RABGAP1L: variants seen among roughly 807,000 people sequenced by gnomAD.
RABGAP1L encodes the protein rab GTPase-activating protein 1-like.
Under a neutral mutation model 137.7 loss-of-function variants are expected in RABGAP1L, and 63 were observed. The observed-to-expected ratio is 0.46, with a 90% confidence interval of 0.37 to 0.56. The LOEUF (loss-of-function observed/expected upper bound fraction) is 0.56, where lower values mean the gene tolerates loss of function less well. RABGAP1L is among the 20% of genes least tolerant of loss of function. The pLI, the probability that RABGAP1L is intolerant of heterozygous loss-of-function variation, is 0.00. For missense variants in RABGAP1L, 1,095 were observed against 1,244.0 expected, an observed-to-expected ratio of 0.88 and a Z score of 1.80; for synonymous variants, 431 against 433.7, an observed-to-expected ratio of 0.99 and a Z score of 0.08.
chr1:174,440,054 T>C (rs575880110), intron 13 of RABGAP1L, among the ~76,000 whole-genome samples: 3 of 152,266 alleles, frequency 2.0e-5, no homozygotes, highest in African/African-American at 7.2e-5. Context: ...AAAAGAAGTG[T>C]GATGGCCTAG....
chr1:174,205,058 TC>T (rs1668411880), intron 1 of RABGAP1L, among the ~76,000 whole-genome samples: 1 of 152,194 alleles, frequency 6.6e-6, no homozygotes, highest in Non-Finnish European at 1.5e-5. Flanking sequence ...CTTGAGATAA[TC>T]ACGTGGTTTT....
intron 18 of RABGAP1L, among the ~76,000 whole-genome samples, chr1:174,789,732 T>C (rs1687713378): frequency 6.6e-6 from 1 of 152,232 alleles, no homozygotes. Context: ...ACAGAGGTTC[T>C]AAGGCCCTGT....
Position 174,702,285 on chromosome 1 carries a change from C to T in RABGAP1L, c.2169+29C>T, listed in dbSNP as rs374131933. 45 of 1,539,918 alleles carry T rather than the reference C, an allele frequency of 2.9e-5. No individual in the cohort carries two copies. In the African/African-American group the frequency reaches 5.7e-4, roughly 20 times the overall value. On this transcript the variant is annotated intron_variant, in intron 17 of 25. Transcript: ENST00000681986. ...GAGTGACTCCCATCTTTCACTAAGC[C>T]AAAATAGAAAGTAGTTTCTACTAAA...
chr1:174,437,967 C>T (rs1409074425), intron 13 of RABGAP1L, among the ~76,000 whole-genome samples: 2 of 152,152 alleles, frequency 1.3e-5, no homozygotes, highest in East Asian at 3.8e-4. Context: ...TCCAGCCAAA[C>T]TAAGCTTCAT....
intron 17 of RABGAP1L, among the ~76,000 whole-genome samples, chr1:174,707,782 C>T (rs1284406041): frequency 6.6e-6 from 1 of 152,214 alleles, no homozygotes; most frequent in South Asian, 2.1e-4. Context: ...TAATCACCTT[C>T]CCCTCCATCA....
At chr1:174,988,104 C>T (rs574461588) in intron 24 of RABGAP1L, among the ~76,000 whole-genome samples, 2 of 152,278 alleles carry the variant, frequency 1.3e-5, no homozygotes, top group Admixed American at 6.5e-5. Context: ...CCACCAGGCC[C>T]GGCCGGAGTT....
At chr1:174,859,452 C>T (rs1364529747) in intron 19 of RABGAP1L, among the ~76,000 whole-genome samples, 2 of 141,688 alleles carry the variant, frequency 1.4e-5, no homozygotes, top group Non-Finnish European at 3.0e-5. Context: ...TACTGCACTC[C>T]AGCCTGGGAG....
intron 13 of RABGAP1L, among the ~76,000 whole-genome samples, chr1:174,534,737 TGCACTCCAGCTTGGATGACAGA>T (rs1207100053): frequency 8.0e-6 from 1 of 124,350 alleles, no homozygotes; most frequent in African/African-American, 3.1e-5. Flanking sequence ...TTCATGCCAC[TGCACTCCAGCTTGGATGACAGA>T]GCGAAACTCT....
At chr1:174,707,676 AG>A (rs1680158170) in intron 17 of RABGAP1L, among the ~76,000 whole-genome samples, 1 of 152,196 alleles carries the variant, frequency 6.6e-6, no homozygotes, top group Non-Finnish European at 1.5e-5. Context: ...CCTACTATAC[AG>A]TATTCAATTA....
At chr1:174,509,240 T>C in intron 13 of RABGAP1L, among the ~76,000 whole-genome samples, 1 of 152,224 alleles carries the variant, frequency 6.6e-6, no homozygotes, top group East Asian at 1.9e-4. Context: ...TAAGTACTAC[T>C]GAGTGAGATA....
At chr1:174,366,805 A>G (rs1255425819) in intron 11 of RABGAP1L, among the ~76,000 whole-genome samples, 1 of 141,472 alleles carries the variant, frequency 7.1e-6, no homozygotes, top group African/African-American at 2.7e-5. Context: ...AAAAAAAAAA[A>G]AAGAAGTTTA....
chr1:174,855,116 C>T (rs1649082004), intron 19 of RABGAP1L, among the ~76,000 whole-genome samples: 1 of 151,906 alleles, frequency 6.6e-6, no homozygotes, highest in Admixed American at 6.6e-5. Context: ...ATGATATTCT[C>T]AATAAAGAAC....
intron 13 of RABGAP1L, among the ~76,000 whole-genome samples, chr1:174,505,377 T>C (rs1363331760): frequency 6.6e-6 from 1 of 152,208 alleles, no homozygotes; most frequent in Non-Finnish European, 1.5e-5. Context: ...TAGCCAGTTC[T>C]TTTTCACATT....
At chr1:174,936,971 ATTTTTT>A (rs909397955) in intron 19 of RABGAP1L, among the ~76,000 whole-genome samples, 9 of 101,524 alleles carry the variant, frequency 8.9e-5, no homozygotes, top group African/African-American at 3.5e-4. Context: ...TATAAGATTA[ATTTTTT>A]TTTTTTTTTT....
At chr1:174,361,883 G>T (rs748684953) in intron 11 of RABGAP1L, among the ~76,000 whole-genome samples, 1 of 152,078 alleles carries the variant, frequency 6.6e-6, no homozygotes, top group African/African-American at 2.4e-5. Context: ...AATCATCCAG[G>T]TATTAAGTCT....
At chr1:174,674,300 C>T (rs1381076853) in intron 14 of RABGAP1L, among the ~76,000 whole-genome samples, 4 of 141,338 alleles carry the variant, frequency 2.8e-5, no homozygotes, top group African/African-American at 1.1e-4. Flanking sequence ...CATGTGTTCT[C>T]ATTGTTCAAT....
chr1:174,244,227 A>G (rs1279721043), intron 5 of RABGAP1L: 1 of 152,258 alleles, frequency 6.6e-6, no homozygotes, highest in East Asian at 1.9e-4. Flanking sequence ...CCAGCTGACA[A>G]ACATTCTTAC....
At chr1:174,891,268 T>C (rs1656093057) in intron 19 of RABGAP1L, among the ~76,000 whole-genome samples, 1 of 152,204 alleles carries the variant, frequency 6.6e-6, no homozygotes, top group South Asian at 2.1e-4. Context: ...ACTTATTCCA[T>C]CTGGCTAAAA....
In RABGAP1L at chr1:174,988,849, T is replaced by G. The variant is rs1025349339; in HGVS notation, c.3003+11T>G. The G allele has an allele frequency of 5.9e-6, 9 of 1,532,580 alleles. No homozygotes were observed. In the African/African-American group the frequency reaches 1.2e-4, roughly 21 times the overall value. The allele number at this position is 1,532,580 out of a possible 1,614,324, so 94.9% of individuals were successfully genotyped here. On this transcript the variant is annotated intron_variant, in intron 25 of 25. Transcript: ENST00000681986. ...AAGTGTAAAATTCAGGTTGGTGATTTGATAAAAGAACAAGAAGAAAGAATA... is the reference window on the plus strand; with the variant it reads ...AAGTGTAAAATTCAGGTTGGTGATTGGATAAAAGAACAAGAAGAAAGAATA...
Sources: allele counts gnomAD v4.1 joint callset (sites outside exome capture counted in the v4.1 genomes callset), GRCh38; gene constraint gnomAD v4.1.1; transcripts MANE v1.5; gene names NCBI Gene and HGNC (gene_info 2026-07-23, HGNC 2026-07-21).